CTNND2: variants seen among roughly 807,000 people sequenced by gnomAD.
CTNND2 encodes catenin delta 2, also known as catenin delta-2.
A neutral mutation model predicts 144.4 loss-of-function variants in CTNND2; 22 were observed. The observed-to-expected ratio is 0.15, with a 90% CI of 0.11 to 0.22. The LOEUF (loss-of-function observed/expected upper bound fraction) is 0.22. Among genes scored for constraint, CTNND2 ranks in the 10% least tolerant of loss-of-function variants. CTNND2 has a pLI of 1.00. For synonymous variants in CTNND2, 751 were observed against 695.6 expected (o/e 1.08, Z -1.25); for missense variants, 1,353 against 1,618.8 (o/e 0.84, Z 2.82).
chr5:11,622,649 C>CGA (rs1780907888), intron 2 of CTNND2, among the ~76,000 whole-genome samples: 1 of 152,098 alleles, frequency 6.6e-6, no homozygotes, highest in African/African-American at 2.4e-5. Flanking sequence ...CAGAAAAACA[C>CGA]GATCTTACAG....
At chr5:11,209,555 A>T (rs1257175207) in intron 10 of CTNND2, among the ~76,000 whole-genome samples, 1 of 152,238 alleles carries the variant, frequency 6.6e-6, no homozygotes, top group Non-Finnish European at 1.5e-5. Context: ...GTTAAAGGAA[A>T]TCTATGAGAT....
chr5:11,199,763 A>G, intron 10 of CTNND2, 102 bp from the exon 11 acceptor site: 1 of 833,684 alleles, frequency 1.2e-6, no homozygotes. Flanking sequence ...AATTAATCGC[A>G]CCAAACTGAA....
chr5:11,035,587 T>G (rs1743982646), intron 16 of CTNND2, among the ~76,000 whole-genome samples: 1 of 152,224 alleles, frequency 6.6e-6, no homozygotes. Flanking sequence ...TCTGGGGGAA[T>G]AGGCTCTGGA....
In CTNND2 at chr5:11,159,584, C is replaced by G. The variant is rs147217205; in HGVS notation, c.2151G>C (p.Gly717=). The change falls in exon 12 of 22, where the codon GGG becomes GGC. Residue 717 remains glycine (G), a synonymous_variant. Transcript: ENST00000304623. ...HSSQVLRNAT[G]CLRNVSSAGE... ...CGTGACACAGGACTGACCTTAGGCA[C>G]CCGGTGGCGTTACGCAGCACCTGTG... 2.5e-6 allele frequency: 4 copies of G among 1,608,928 alleles called. No individual in the cohort carries two copies. Among genetic ancestry groups the G allele is most frequent in the Admixed American group, 1.7e-5 (1 of 59,490 alleles).
At chr5:11,232,214 C>T (rs901876785) in intron 10 of CTNND2, among the ~76,000 whole-genome samples, 12 of 152,226 alleles carry the variant, frequency 7.9e-5, no homozygotes, top group Non-Finnish European at 1.8e-4. Context: ...TTGGAGCCCC[C>T]ACACAGAGTC....
In CTNND2 at chr5:10,992,582, G is replaced by C; in HGVS notation, c.3180C>G (p.Ser1060=). The C allele has an allele frequency of 1.2e-6, 2 of 1,614,122 alleles. No homozygotes were observed. Among genetic ancestry groups the C allele is most frequent in the South Asian group, 2.2e-5 (2 of 91,070 alleles). ...GGTTGTTGGGAGACACGCGCACAGG[G>C]GAGATGGAGGGCGTGCGGGAGGAGG... The part of the protein sequence containing the change: ...PYSSSRTPSI[S]PVRVSPNNRS... Residue 1060 remains serine, a synonymous_variant, in exon 19 of 22, where the codon TCC becomes TCG. Coordinates refer to ENST00000304623, the MANE Select transcript of CTNND2 (RefSeq NM_001332.4).
rs1758922385 is a variant in CTNND2 at position 11,385,089 on chromosome 5, C to A, written c.753G>T (p.Ala251=). The change falls in exon 7 of 22, where the codon GCG becomes GCT. Residue 251 remains alanine (A), a synonymous_variant. Transcript: ENST00000304623. ...GCAGCGTGGAGCTGGAGTAGTAGAG[C>A]GCGGCGGCGGCGGCGGCGGGCGGCG... ...PDAPPAAAAA[A]LYYSSSTLPA... 3 of 1,054,218 alleles carry A rather than the reference C, an allele frequency of 2.8e-6. No individual in the cohort carries two copies. The highest frequency in any genetic ancestry group is 3.4e-6 in the Non-Finnish European group (3 of 877,784). 65.3% of individuals were successfully genotyped at this position (1,054,218 alleles called of 1,614,324 possible).
At chr5:11,236,532 A>T (rs1028688917) in intron 10 of CTNND2, among the ~76,000 whole-genome samples, 159 bp downstream of exon 10, 1 of 152,232 alleles carries the variant, frequency 6.6e-6, no homozygotes, top group Non-Finnish European at 1.5e-5. Flanking sequence ...AGGCATGCTA[A>T]TCAATTAGAT....
At chr5:11,429,146 A>C (rs1344625780) in intron 3 of CTNND2, among the ~76,000 whole-genome samples, 30 of 152,198 alleles carry the variant, frequency 2.0e-4, no homozygotes, top group Non-Finnish European at 2.9e-5. Flanking sequence ...ACCCTTTTCA[A>C]GTGCCACTGC....
intron 11 of CTNND2, among the ~76,000 whole-genome samples, chr5:11,179,360 A>G (rs990487837): frequency 6.6e-6 from 1 of 152,116 alleles, no homozygotes; most frequent in South Asian, 2.1e-4. Flanking sequence ...AAAACATAAA[A>G]CAGAGCACTG....
At chr5:11,297,182 T>G (rs892097542) in intron 9 of CTNND2, among the ~76,000 whole-genome samples, 7 of 152,214 alleles carry the variant, frequency 4.6e-5, no homozygotes, top group Non-Finnish European at 8.8e-5. Flanking sequence ...CATTCAAGGA[T>G]TTGAAGTTAC....
At position 11,435,325 on chromosome 5, in the gene CTNND2, G is replaced by C. The variant is rs552692171; in HGVS notation, c.288-23256C>G. Among the ~76,000 whole-genome samples the C allele has an allele frequency of 5.3e-3, 806 of 151,748 alleles. 7 individuals carry two copies. The highest frequency in any genetic ancestry group is 0.017 in the African/African-American group (718 of 41,364). On this transcript the variant is annotated intron_variant, in intron 3 of 21. Coordinates refer to ENST00000304623, the MANE Select transcript of CTNND2 (RefSeq NM_001332.4). ...GGCTAATTTTTTTTTTGTATTTTTAGTAGAGATGGGGTTTCACCGTGTTAG... is the reference window on the plus strand; with the variant it reads ...GGCTAATTTTTTTTTTGTATTTTTACTAGAGATGGGGTTTCACCGTGTTAG...
At chr5:11,584,231 A>T (rs1171378809) in intron 2 of CTNND2, among the ~76,000 whole-genome samples, 1 of 152,172 alleles carries the variant, frequency 6.6e-6, no homozygotes. Flanking sequence ...TGCAATAAAT[A>T]ACCATCTTCA....
At position 11,111,039 on chromosome 5, in the gene CTNND2, A is replaced by T; in HGVS notation, c.2282T>A (p.Val761Asp). The change falls in exon 14 of 22, where the codon GTT becomes GAT. Residue 761 changes from valine to aspartate, a missense_variant. Physicochemically the swap from Val to Asp is radical, Grantham distance 152. Around this residue, in one of 4 missense-constraint regions of CTNND2, gnomAD observed 459 missense variants for 674.3 expected, o/e 0.68. Coordinates refer to ENST00000304623, the MANE Select transcript of CTNND2 (RefSeq NM_001332.4). ...LGSSEIDSKT[V>D]ENCVCILRNL... ...CCTTAAAATGCACACACAGTTTTCA[A>T]CGGTCTGCAGAAAAGGGGGAAACAG... 2 of 1,612,708 alleles carry T rather than the reference A, an allele frequency of 1.2e-6. No homozygotes were observed. The highest frequency in any genetic ancestry group is 1.7e-6 in the Non-Finnish European group (2 of 1,178,828).
At chr5:11,558,444 C>A (rs1776418889) in intron 3 of CTNND2, among the ~76,000 whole-genome samples, 1 of 152,016 alleles carries the variant, frequency 6.6e-6, no homozygotes, top group Admixed American at 6.6e-5. Context: ...TAGCTCACAG[C>A]AGCCTTGACC....
intron 1 of CTNND2, among the ~76,000 whole-genome samples, chr5:11,831,472 TC>T (rs1179610011): frequency 6.6e-6 from 1 of 151,724 alleles, no homozygotes; most frequent in Admixed American, 6.6e-5. Context: ...ATCGAGACCA[TC>T]CTGGCTAACA....
At position 11,008,439 on chromosome 5, in the gene CTNND2, G is replaced by T. The variant is rs113597803; in HGVS notation, c.3084+9535C>A. On this transcript the variant is annotated intron_variant, in intron 18 of 21. Transcript: ENST00000304623. ...AGATGCGGTACTGCTGCCTCTGATG[G>T]TGGAGAAGGAGGCCACCAGCCAAGG... is the stretch of plus-strand genomic sequence containing the variant. Among the ~76,000 whole-genome samples the T allele has an allele frequency of 3.4e-3, 512 of 152,302 alleles. 7 individuals carry two copies. The highest frequency in any genetic ancestry group is 0.012 in the African/African-American group (490 of 41,550).
intron 20 of CTNND2, chr5:10,986,619 A>C: frequency 2.2e-6 from 1 of 451,360 alleles, no homozygotes; most frequent in South Asian, 1.6e-5. Context: ...AAGGGGAAAC[A>C]GTGAATGTGA....
intron 1 of CTNND2, among the ~76,000 whole-genome samples, chr5:11,753,245 C>G (rs1219468428): frequency 1.3e-5 from 2 of 151,796 alleles, no homozygotes; most frequent in Non-Finnish European, 2.9e-5. Flanking sequence ...TCATCCTTGT[C>G]TTGTTCCAGT....
Sources: allele counts gnomAD v4.1 joint callset (sites outside exome capture counted in the v4.1 genomes callset), GRCh38; gene constraint gnomAD v4.1.1; regional missense constraint gnomAD v4.1.1; transcripts MANE v1.5; gene names NCBI Gene and HGNC (gene_info 2026-07-23, HGNC 2026-07-21).